The following CSTPP1 variants were observed in gnomAD, a reference collection of about 807,000 sequenced individuals.
CSTPP1 encodes UPF0705 protein C11orf49.
the CSTPP1 span, among the ~76,000 whole-genome samples, chr11:46,953,763 A>C: frequency 6.6e-6 from 1 of 152,236 alleles, no homozygotes; most frequent in South Asian, 2.1e-4. Context: ...AAGAATTCCC[A>C]AGTGAGAAAT....
the CSTPP1 span, among the ~76,000 whole-genome samples, chr11:47,146,658 T>A: frequency 1.2e-3 from 186 of 152,274 alleles, 1 homozygote; most frequent in African/African-American, 4.4e-3. Flanking sequence ...GAGTGTAAAT[T>A]GTTACAATTA....
the CSTPP1 span, among the ~76,000 whole-genome samples, chr11:47,037,076 A>G: frequency 7.8e-6 from 1 of 127,474 alleles, no homozygotes; most frequent in East Asian, 2.1e-4. Context: ...ATCTTATTCT[A>G]TCAAAAAAGG....
At chr11:47,109,258 G>A in the CSTPP1 span, 1 of 152,156 alleles carries the variant, frequency 6.6e-6, no homozygotes, top group Non-Finnish European at 1.5e-5. Flanking sequence ...TTCAGACAAT[G>A]GTGTGTTGTC....
At chr11:47,089,550 C>A in the CSTPP1 span, among the ~76,000 whole-genome samples, 3 of 152,180 alleles carry the variant, frequency 2.0e-5, no homozygotes, top group East Asian at 5.8e-4. Flanking sequence ...CTCAGGCTAG[C>A]GGCTGACATG....
chr11:47,090,204 C>T, the CSTPP1 span, among the ~76,000 whole-genome samples: 5 of 152,070 alleles, frequency 3.3e-5, no homozygotes, highest in South Asian at 6.2e-4. Context: ...AGGCTGGTCT[C>T]GAACTCCCGA....
At chr11:47,087,167 T>G in the CSTPP1 span, among the ~76,000 whole-genome samples, 1 of 152,148 alleles carries the variant, frequency 6.6e-6, no homozygotes, top group Non-Finnish European at 1.5e-5. Context: ...TTTTAAAAAA[T>G]CATTATTTGC....
chr11:46,994,155 T>G, the CSTPP1 span, among the ~76,000 whole-genome samples: 1 of 152,252 alleles, frequency 6.6e-6, no homozygotes, highest in Non-Finnish European at 1.5e-5. Flanking sequence ...TGAAGTTGCT[T>G]ATCAGCTTAA....
At chr11:47,101,188 T>A in the CSTPP1 span, among the ~76,000 whole-genome samples, 16 of 101,954 alleles carry the variant, frequency 1.6e-4, no homozygotes, top group East Asian at 8.0e-4. Flanking sequence ...TTTTTTTTTT[T>A]TATTTTATTT....
At chr11:47,006,475 G>A in the CSTPP1 span, among the ~76,000 whole-genome samples, 1 of 151,734 alleles carries the variant, frequency 6.6e-6, no homozygotes, top group East Asian at 1.9e-4. Context: ...TAAACTATTC[G>A]GTGTTCTTAG....
the CSTPP1 span, among the ~76,000 whole-genome samples, chr11:47,020,989 T>C: frequency 6.6e-6 from 1 of 152,212 alleles, no homozygotes; most frequent in Non-Finnish European, 1.5e-5. Flanking sequence ...CAGTAGATGG[T>C]ATTATTCATC....
At chr11:46,941,973 C>T in the CSTPP1 span, among the ~76,000 whole-genome samples, 5 of 152,124 alleles carry the variant, frequency 3.3e-5, no homozygotes, top group Non-Finnish European at 7.3e-5. Flanking sequence ...TCCCTTTCTC[C>T]CTGCTAGCTA....
the CSTPP1 span, among the ~76,000 whole-genome samples, chr11:47,043,097 C>T: frequency 3.9e-5 from 6 of 152,088 alleles, no homozygotes; most frequent in Non-Finnish European, 7.3e-5. Flanking sequence ...ATTCAGAAGG[C>T]GTAGGTAACT....
chr11:46,966,230 A>G, the CSTPP1 span, among the ~76,000 whole-genome samples: 1 of 152,016 alleles, frequency 6.6e-6, no homozygotes, highest in Admixed American at 6.5e-5. Context: ...TTTAGTAGAG[A>G]CGGGGTTTCA....
At chr11:46,981,782 C>T in the CSTPP1 span, among the ~76,000 whole-genome samples, 3 of 151,952 alleles carry the variant, frequency 2.0e-5, no homozygotes, top group Admixed American at 6.6e-5. Context: ...TTACCTACTT[C>T]GTTGGGTTGT....
chr11:47,090,652 G>A, the CSTPP1 span, among the ~76,000 whole-genome samples: 2 of 152,158 alleles, frequency 1.3e-5, no homozygotes, highest in African/African-American at 2.4e-5. Flanking sequence ...CATTTACCAT[G>A]TGCCAGGAAT....
the CSTPP1 span, among the ~76,000 whole-genome samples, chr11:47,129,663 C>A: frequency 5.9e-5 from 9 of 152,170 alleles, no homozygotes; most frequent in Admixed American, 1.3e-4. Flanking sequence ...TGGTTTAAGC[C>A]ACCAGTGGTG....
chr11:47,155,518 G>T, the CSTPP1 span: 7 of 551,578 alleles, frequency 1.3e-5, no homozygotes, highest in African/African-American at 1.3e-4. Flanking sequence ...CAACAAATCA[G>T]TTTAAGTGAT....
chr11:47,161,975 CA>C, the CSTPP1 span: 1 of 1,053,810 alleles, frequency 9.5e-7, no homozygotes. Flanking sequence ...GCGGGTCCCC[CA>C]ATAAGGTTCA....
At chr11:47,007,518 G>A in the CSTPP1 span, among the ~76,000 whole-genome samples, 6 of 151,642 alleles carry the variant, frequency 4.0e-5, no homozygotes, top group African/African-American at 1.2e-4. Context: ...GCTAAATCTT[G>A]TCTTTCATTT....
Sources: allele counts gnomAD v4.1 joint callset (sites outside exome capture counted in the v4.1 genomes callset), GRCh38; gene constraint gnomAD v4.1.1; transcripts MANE v1.5; gene names NCBI Gene and HGNC (gene_info 2026-07-23, HGNC 2026-07-21).